NLGN4X: variants seen among roughly 807,000 people sequenced by gnomAD.
NLGN4X encodes the protein neuroligin 4 X-linked.
NLGN4X carries 3 observed loss-of-function variants against 40.3 expected under a neutral mutation model. That is an observed-to-expected ratio of 0.07 (90% CI 0.03 to 0.19). NLGN4X has a LOEUF of 0.19. NLGN4X is among the 10% of genes least tolerant of loss of function. NLGN4X has a pLI of 1.00. For missense variants in NLGN4X, 382 were observed against 708.3 expected, an observed-to-expected ratio of 0.54 and a Z score of 5.23; for synonymous variants, 270 against 306.8, an observed-to-expected ratio of 0.88 and a Z score of 1.25.
intron 5 of NLGN4X, 56 bp downstream of exon 5, chrX:5,903,021 T>TTTA: frequency 8.4e-7 from 1 of 1,188,637 alleles, no homozygotes; most frequent in Non-Finnish European, 1.1e-6. Flanking sequence ...ACACCTATAT[T>TTTA]GAGGACACAA....
intron 2 of NLGN4X, among the ~76,000 whole-genome samples, chrX:6,049,745 G>T (rs2037433736): frequency 5.1e-5 from 2 of 39,267 alleles, no homozygotes; most frequent in Admixed American, 3.5e-4. Flanking sequence ...GGGGGGGGCG[G>T]TCACAAAATA....
intron 1 of NLGN4X, among the ~76,000 whole-genome samples, chrX:6,184,393 C>T (rs1921800592): frequency 8.9e-6 from 1 of 111,747 alleles, no homozygotes; most frequent in East Asian, 2.8e-4. Context: ...ACTAAACATT[C>T]CCCAAGGAAG....
intron 2 of NLGN4X, among the ~76,000 whole-genome samples, chrX:6,087,922 C>T (rs1474852400): frequency 7.1e-5 from 8 of 111,951 alleles, no homozygotes; most frequent in African/African-American, 2.6e-4. Context: ...TTCTGATGGA[C>T]TCATTTACAA....
chrX:6,021,402 T>TC (rs960531022), intron 3 of NLGN4X, among the ~76,000 whole-genome samples: 2 of 110,426 alleles, frequency 1.8e-5, no homozygotes, highest in African/African-American at 6.6e-5. Context: ...ACTGCAGTCG[T>TC]CCCCATCTCT....
rs764423771 is a variant in NLGN4X, at chrX:5,897,951, C to T, written c.1602-4285G>A. ...CTCTTACCCTCCTTTTCCCTGTTTT[C>T]CTTCTTTCCCTCCCTCCCTTCTTCC... On this transcript the variant is annotated intron_variant, in intron 5 of 5. Transcript: ENST00000381095. 4.2e-5 allele frequency among the ~76,000 whole-genome samples: 4 copies of T among 94,687 alleles called. No individual in the cohort carries two copies. In the East Asian group the frequency reaches 1.6e-3, roughly 38 times the overall value. 82.2% of individuals were successfully genotyped at this position (94,687 alleles called of 115,157 possible). A position where few individuals can be genotyped will look rare whatever the true frequency, so the allele number is the denominator to read the frequency against.
At chrX:6,116,391 CTTTTTTT>C (rs1157468420) in intron 2 of NLGN4X, among the ~76,000 whole-genome samples, 1 of 22,279 alleles carries the variant, frequency 4.5e-5, no homozygotes, top group African/African-American at 1.9e-4. Flanking sequence ...ACCTTTCTTT[CTTTTTTT>C]TTTTTTTTTT....
intron 2 of NLGN4X, among the ~76,000 whole-genome samples, chrX:6,104,024 A>C (rs768629102): frequency 1.8e-5 from 2 of 111,941 alleles, no homozygotes; most frequent in African/African-American, 6.5e-5. Context: ...GTGTGCATGC[A>C]TTGTGTGTGT....
In NLGN4X at chrX:6,127,824, G is replaced by A. The variant is rs147935018; in HGVS notation, c.472+23171C>T. The stretch of plus-strand genomic sequence containing the variant: ...ACAGGATTTCTTTAACAGGCACTAC[G>A]TAGGAGAAACCGTTAGAAAGAAAAA... On this transcript the variant is annotated intron_variant, in intron 2 of 5. Coordinates refer to ENST00000381095, the MANE Select transcript of NLGN4X (RefSeq NM_181332.3). Among the ~76,000 whole-genome samples the A allele has an allele frequency of 5.4e-3, 599 of 111,858 alleles. 2 individuals carry two copies. The highest frequency in any genetic ancestry group is 0.018 in the African/African-American group (552 of 30,822).
At chrX:5,953,717 G>T (rs1334159449) in intron 3 of NLGN4X, among the ~76,000 whole-genome samples, 1 of 112,176 alleles carries the variant, frequency 8.9e-6, no homozygotes, top group Admixed American at 9.4e-5. Context: ...ATATTCTGAT[G>T]CATTCGTGTT....
chrX:6,215,603 T>G (rs1207034088), intron 1 of NLGN4X, among the ~76,000 whole-genome samples: 2 of 110,705 alleles, frequency 1.8e-5, no homozygotes, highest in Non-Finnish European at 3.8e-5. Flanking sequence ...GTGACTCAAT[T>G]TCCTTGTGTA....
At chrX:6,052,178 C>G (rs1475907638) in intron 2 of NLGN4X, among the ~76,000 whole-genome samples, 1 of 110,360 alleles carries the variant, frequency 9.1e-6, no homozygotes, top group Non-Finnish European at 1.9e-5. Flanking sequence ...ATGAGCCTCC[C>G]GAGAGTCATG....
At chrX:5,932,386 G>A (rs1216669190) in intron 3 of NLGN4X, among the ~76,000 whole-genome samples, 1 of 111,311 alleles carries the variant, frequency 9.0e-6, no homozygotes, top group Non-Finnish European at 1.9e-5. Flanking sequence ...GGAGAACACA[G>A]GCTAAATGTT....
chrX:5,984,870 C>T (rs1425841630), intron 3 of NLGN4X, among the ~76,000 whole-genome samples: 1 of 111,959 alleles, frequency 8.9e-6, no homozygotes, highest in Non-Finnish European at 1.9e-5. Context: ...TATTTTAGAT[C>T]ACCGATAGAT....
chrX:5,916,370 G>A (rs758404654), intron 3 of NLGN4X, among the ~76,000 whole-genome samples: 36 of 112,050 alleles, frequency 3.2e-4, no homozygotes, highest in Non-Finnish European at 6.4e-4. Flanking sequence ...TTACACTCAT[G>A]GACACAGAAA....
chrX:6,076,114 C>G (rs1356646581), intron 2 of NLGN4X, among the ~76,000 whole-genome samples: 1 of 111,822 alleles, frequency 8.9e-6, no homozygotes. Context: ...CTTGCCAGTC[C>G]TATATGCTAA....
chrX:6,065,472 T>C (rs1054250326), intron 2 of NLGN4X, among the ~76,000 whole-genome samples: 18 of 110,869 alleles, frequency 1.6e-4, no homozygotes, highest in African/African-American at 5.2e-4. Flanking sequence ...AATAGAACTT[T>C]AGGAAATATA....
intron 2 of NLGN4X, among the ~76,000 whole-genome samples, chrX:6,038,992 A>C (rs1043976751): frequency 9.0e-6 from 1 of 111,100 alleles, no homozygotes; most frequent in Admixed American, 9.6e-5. Context: ...TCCAGGGCAC[A>C]TAACTACTAG....
chrX:6,025,358 TTTAA>T (rs2036662014), intron 3 of NLGN4X, among the ~76,000 whole-genome samples: 2 of 111,973 alleles, frequency 1.8e-5, no homozygotes, highest in African/African-American at 6.5e-5. Flanking sequence ...TTCTGATTTA[TTTAA>T]TGTCTACAAG....
chrX:6,001,894 C>T (rs1034292923), intron 3 of NLGN4X, among the ~76,000 whole-genome samples: 16 of 111,621 alleles, frequency 1.4e-4, no homozygotes, highest in African/African-American at 4.6e-4. Context: ...GTGTTTTAAT[C>T]TCATTTGAAA....
Sources: allele counts gnomAD v4.1 joint callset (sites outside exome capture counted in the v4.1 genomes callset), GRCh38; gene constraint gnomAD v4.1.1; transcripts MANE v1.5; gene names NCBI Gene and HGNC (gene_info 2026-07-23, HGNC 2026-07-21).